Variants in SLAMF1 observed in about 807,000 individuals in gnomAD.
SLAMF1 encodes signaling lymphocytic activation molecule.
Under a neutral mutation model 35.1 loss-of-function variants are expected in SLAMF1, and 18 were observed. The observed-to-expected ratio is 0.51, with a 90% confidence interval of 0.35 to 0.76. The LOEUF (loss-of-function observed/expected upper bound fraction) is 0.76, where lower values mean the gene tolerates loss of function less well. Among genes scored for constraint, SLAMF1 ranks in the 30% least tolerant of loss-of-function variants. The pLI is 0.01. For missense variants in SLAMF1, 392 were observed against 413.0 expected, an observed-to-expected ratio of 0.95 and a Z score of 0.44; for synonymous variants, 168 against 157.2, an observed-to-expected ratio of 1.07 and a Z score of -0.51.
chr1:160,619,177 T>A (rs973737992), intron 5 of SLAMF1, among the ~76,000 whole-genome samples: 4 of 152,176 alleles, frequency 2.6e-5, no homozygotes, highest in Non-Finnish European at 5.9e-5. Flanking sequence ...CTAACCACGA[T>A]CCTTTTAGCG....
intron 1 of SLAMF1, among the ~76,000 whole-genome samples, chr1:160,640,325 C>T (rs1034796242): frequency 1.1e-5 from 1 of 94,158 alleles, no homozygotes; most frequent in Non-Finnish European, 2.1e-5. Context: ...TTAGGTTTGT[C>T]ATATATATAT....
intron 5 of SLAMF1, chr1:160,615,790 G>A (rs1164641436): frequency 7.0e-6 from 2 of 285,794 alleles, no homozygotes. Context: ...TGGAAAAGAA[G>A]AAGACACAGA....
intron 3 of SLAMF1, among the ~76,000 whole-genome samples, chr1:160,630,099 T>C (rs1185149199): frequency 6.6e-6 from 1 of 152,198 alleles, no homozygotes; most frequent in Non-Finnish European, 1.5e-5. Context: ...TCCAGGGGCA[T>C]TCCTTTCTAG....
At position 160,634,728 on chromosome 1, in the gene SLAMF1, G is replaced by C. The variant is rs1660338831; in HGVS notation, c.585C>G (p.Ser195=). ...LNPANSSHLL[S]LTLGPQHADN... is the part of the protein sequence containing the mutation. ...CAGCATGCTGGGGGCCGAGGGTGAGGGACAGGAGGTGGGAGCTGTTGGCTG... is the reference window on the plus strand; with the variant it reads ...CAGCATGCTGGGGGCCGAGGGTGAGCGACAGGAGGTGGGAGCTGTTGGCTG... The change falls in exon 3 of 7, where the codon TCC becomes TCG. Residue 195 remains serine, a synonymous_variant. Transcript: ENST00000302035. 6.2e-7 allele frequency: 1 copy of C among 1,614,158 alleles called. No homozygotes were observed. The highest frequency in any genetic ancestry group is 1.3e-5 in the African/African-American group (1 of 75,028).
At chr1:160,610,889 G>C (rs1025262539) in intron 6 of SLAMF1, 91 bp from the exon 7 acceptor site, 3 of 1,001,356 alleles carry the variant, frequency 3.0e-6, no homozygotes, top group Admixed American at 1.8e-5. Context: ...GAAAAGGAAA[G>C]GGTCTTAGAG....
intron 3 of SLAMF1, among the ~76,000 whole-genome samples, chr1:160,626,674 C>G (rs1022128669): frequency 1.3e-5 from 2 of 152,258 alleles, no homozygotes; most frequent in East Asian, 3.9e-4. Flanking sequence ...AAGATGGGAA[C>G]TGCAGATTTT....
intron 4 of SLAMF1, among the ~76,000 whole-genome samples, chr1:160,621,238 A>T (rs1293882202): frequency 1.3e-5 from 2 of 152,134 alleles, no homozygotes; most frequent in African/African-American, 4.8e-5. Context: ...TTTAAGGTAG[A>T]CTTATTTTAA....
At chr1:160,619,139 A>G (rs1659472108) in intron 5 of SLAMF1, among the ~76,000 whole-genome samples, 1 of 151,690 alleles carries the variant, frequency 6.6e-6, no homozygotes, top group South Asian at 2.1e-4. Context: ...AATTGCCTTC[A>G]TGTTGAAAAA....
intron 4 of SLAMF1, among the ~76,000 whole-genome samples, chr1:160,621,855 C>CGTGTGTGTGTGTGTGCGTGTGTGT (rs1553239727): frequency 2.1e-5 from 3 of 145,210 alleles, no homozygotes; most frequent in Admixed American, 6.9e-5. Context: ...TGCGTGAGTG[C>CGTGTGTGTGTGTGTGCGTGTGTGT]GTGTGTGTGT....
intron 1 of SLAMF1, among the ~76,000 whole-genome samples, chr1:160,645,045 G>T (rs769177941): frequency 2.6e-5 from 4 of 152,210 alleles, no homozygotes; most frequent in Non-Finnish European, 5.9e-5. Context: ...GCCCAACTTT[G>T]CTGTGAACCT....
At chr1:160,617,884 C>G (rs541986667) in intron 5 of SLAMF1, among the ~76,000 whole-genome samples, 1 of 152,172 alleles carries the variant, frequency 6.6e-6, no homozygotes, top group Non-Finnish European at 1.5e-5. Flanking sequence ...ACCAGCCTGG[C>G]CAACATGGTG....
At chr1:160,634,922 C>A (rs755245975) in intron 2 of SLAMF1, 25 bp from the exon 3 acceptor site, 2 of 1,587,386 alleles carry the variant, frequency 1.3e-6, no homozygotes, top group African/African-American at 1.3e-5. Context: ...AGGAAGGGAG[C>A]CATCACTGAA....
chr1:160,624,245 T>C (rs962381742), intron 3 of SLAMF1, 60 bp from the exon 4 acceptor site: 2 of 1,164,014 alleles, frequency 1.7e-6, no homozygotes, highest in African/African-American at 3.1e-5. Context: ...AAAAACATCT[T>C]ACATGAAAGT....
At position 160,646,936 on chromosome 1, in the gene SLAMF1, TG is replaced by T; in HGVS notation, c.9del (p.Lys4ArgfsTer6). On this transcript the variant is annotated frameshift_variant, in exon 1 of 7. Transcript: ENST00000302035. LOFTEE classifies it high-confidence loss of function. MD[P>X]KGLLSLTFVL... is the part of the protein sequence containing the mutation. Reference sequence around the variant, plus strand: ...ACGAAGGTCAAGGAGAGGAGCCCCTTGGGATCCATCAGCCAATGAGGAGAAG... The same window carrying T: ...ACGAAGGTCAAGGAGAGGAGCCCCTTGGATCCATCAGCCAATGAGGAGAAG... 1 of 1,598,780 alleles carries T rather than the reference TG, an allele frequency of 6.3e-7. No individual in the cohort carries two copies. The highest frequency in any genetic ancestry group is 8.6e-7 in the Non-Finnish European group (1 of 1,167,002).
intron 1 of SLAMF1, among the ~76,000 whole-genome samples, chr1:160,640,099 T>C (rs1311804331): frequency 6.6e-6 from 1 of 152,092 alleles, no homozygotes; most frequent in Non-Finnish European, 1.5e-5. Context: ...TATCACTGCA[T>C]TATATTATAC....
At chr1:160,615,729 T>A in intron 5 of SLAMF1, 1 of 346,024 alleles carries the variant, frequency 2.9e-6, no homozygotes, top group Non-Finnish European at 5.8e-6. Context: ...AATAAGGTCA[T>A]CCTGGATTAG....
intron 1 of SLAMF1, among the ~76,000 whole-genome samples, chr1:160,643,972 A>C (rs887620455): frequency 6.6e-6 from 1 of 152,212 alleles, no homozygotes; most frequent in Non-Finnish European, 1.5e-5. Flanking sequence ...TTTCATAGAC[A>C]TGACATGTTT....
rs1365032986 is a variant in SLAMF1, at chr1:160,624,076, A to G, written c.790+20T>C. The G allele has an allele frequency of 3.3e-6, 5 of 1,521,384 alleles. No homozygotes were observed. The highest frequency in any genetic ancestry group is 1.7e-4 in the Middle Eastern group (1 of 5,872). 94.2% of individuals were successfully genotyped at this position (1,521,384 alleles called of 1,614,324 possible). On this transcript the variant is annotated intron_variant, in intron 4 of 6. Coordinates refer to ENST00000302035, the MANE Select transcript of SLAMF1 (RefSeq NM_003037.5). Reference sequence around the variant, plus strand: ...ACCACAGAGAGTGTGATAAGAATCTATTTATTGCCAGACACCTACCTCTTC... The same window carrying G: ...ACCACAGAGAGTGTGATAAGAATCTGTTTATTGCCAGACACCTACCTCTTC...
chr1:160,640,325 CATATATATATATATAT>C (rs56785818), intron 1 of SLAMF1, among the ~76,000 whole-genome samples: 59 of 94,126 alleles, frequency 6.3e-4, no homozygotes, highest in African/African-American at 1.0e-3. Flanking sequence ...TTAGGTTTGT[CATATATATATATATAT>C]ATATATATAT....
Sources: gnomAD v4.1 joint callset for allele counts (sites outside exome capture counted in the v4.1 genomes callset) on GRCh38, gnomAD v4.1.1 for gene constraint, MANE v1.5 for transcripts, NCBI Gene and HGNC (gene_info 2026-07-23, HGNC 2026-07-21) for gene names.